The following PRR16 variants were observed in gnomAD, a reference collection of about 807,000 sequenced individuals.
PRR16 encodes the protein protein Largen.
PRR16 carries 6 observed loss-of-function variants against 18.2 expected under a neutral mutation model. The observed-to-expected ratio is 0.33, with a 90% confidence interval of 0.18 to 0.65. The LOEUF (loss-of-function observed/expected upper bound fraction) is 0.65, where lower values mean the gene tolerates loss of function less well. Among genes scored for constraint, PRR16 ranks in the 30% least tolerant of loss-of-function variants. PRR16 has a pLI of 0.74. For synonymous variants in PRR16, 151 were observed against 147.8 expected (o/e 1.02, Z -0.16); for missense variants, 412 against 376.6 (o/e 1.09, Z -0.78).
the PRR16 span, among the ~76,000 whole-genome samples, chr5:120,777,767 T>C: frequency 6.6e-6 from 1 of 152,138 alleles, no homozygotes; most frequent in African/African-American, 2.4e-5. Context: ...AGAAGCGCAC[T>C]GAATACTGCG....
intron 1 of PRR16, among the ~76,000 whole-genome samples, chr5:120,489,826 A>G (rs1220197511): frequency 6.6e-6 from 1 of 151,908 alleles, no homozygotes; most frequent in Non-Finnish European, 1.5e-5. Context: ...CTTCTTCAGG[A>G]GCTCTTTTAG....
chr5:120,632,809 A>G (rs1375171173), intron 1 of PRR16, among the ~76,000 whole-genome samples: 1 of 152,202 alleles, frequency 6.6e-6, no homozygotes, highest in East Asian at 1.9e-4. Flanking sequence ...AACATATTTG[A>G]AGGAATAATT....
intron 1 of PRR16, among the ~76,000 whole-genome samples, chr5:120,662,761 T>C (rs976423479): frequency 2.6e-4 from 39 of 152,176 alleles, no homozygotes; most frequent in Admixed American, 1.9e-3. Flanking sequence ...CTAAGATTGA[T>C]GATCCTCCTA....
intron 1 of PRR16, among the ~76,000 whole-genome samples, chr5:120,638,624 G>T (rs1755323264): frequency 6.6e-6 from 1 of 152,098 alleles, no homozygotes; most frequent in Non-Finnish European, 1.5e-5. Context: ...GCCATCTGCA[G>T]CCTGGCTCCA....
chr5:120,648,587 A>T (rs951624662), intron 1 of PRR16, among the ~76,000 whole-genome samples: 1 of 152,140 alleles, frequency 6.6e-6, no homozygotes, highest in Non-Finnish European at 1.5e-5. Flanking sequence ...TAAATGAATG[A>T]CTATTACATA....
the PRR16 span, among the ~76,000 whole-genome samples, chr5:120,760,190 G>T: frequency 6.6e-6 from 1 of 152,116 alleles, no homozygotes; most frequent in African/African-American, 2.4e-5. Context: ...CACTGTTGCA[G>T]TAAATGTACA....
intron 1 of PRR16, among the ~76,000 whole-genome samples, chr5:120,672,235 G>GGTGTGTGTGT (rs1191891129): frequency 1.1e-5 from 1 of 87,158 alleles, no homozygotes; most frequent in Non-Finnish European, 2.6e-5. Flanking sequence ...GCAGGTGAGG[G>GGTGTGTGTGT]GTCTGTGTGT....
intron 1 of PRR16, among the ~76,000 whole-genome samples, chr5:120,576,149 C>G (rs1481650310): frequency 6.6e-6 from 1 of 151,994 alleles, no homozygotes; most frequent in Non-Finnish European, 1.5e-5. Flanking sequence ...AAAGCACAGG[C>G]AACAAAAGCG....
intron 1 of PRR16, among the ~76,000 whole-genome samples, chr5:120,666,188 G>A (rs1489190621): frequency 1.3e-5 from 2 of 152,130 alleles, no homozygotes; most frequent in Non-Finnish European, 2.9e-5. Context: ...CTTGTAAGTT[G>A]GATTCCTAGG....
At chr5:120,705,938 G>A in the PRR16 span, among the ~76,000 whole-genome samples, 3 of 152,068 alleles carry the variant, frequency 2.0e-5, no homozygotes, top group Admixed American at 2.0e-4. Context: ...GTTGCTTATG[G>A]CATAACAGAA....
chr5:120,708,424 A>T, the PRR16 span, among the ~76,000 whole-genome samples: 1 of 152,224 alleles, frequency 6.6e-6, no homozygotes, highest in Non-Finnish European at 1.5e-5. Context: ...TTTTTATAAT[A>T]GCAGTAATGA....
the PRR16 span, among the ~76,000 whole-genome samples, chr5:120,735,757 A>T: frequency 1.3e-5 from 2 of 152,080 alleles, no homozygotes; most frequent in Non-Finnish European, 2.9e-5. Flanking sequence ...CATATGATTT[A>T]CAAAAATTTC....
chr5:120,587,184 G>A (rs1007816522), intron 1 of PRR16, among the ~76,000 whole-genome samples: 3 of 152,168 alleles, frequency 2.0e-5, no homozygotes, highest in African/African-American at 7.2e-5. Flanking sequence ...TTTGGAGCTA[G>A]CAATGGTTTT....
At chr5:120,705,686 T>A in the PRR16 span, among the ~76,000 whole-genome samples, 1 of 152,124 alleles carries the variant, frequency 6.6e-6, no homozygotes, top group Admixed American at 6.5e-5. Context: ...ACAACAACAT[T>A]ATAATCATTA....
intron 1 of PRR16, among the ~76,000 whole-genome samples, chr5:120,533,952 G>A (rs1315591907): frequency 1.3e-5 from 2 of 152,126 alleles, no homozygotes; most frequent in Non-Finnish European, 2.9e-5. Context: ...CTGAGAGATT[G>A]GAGTTCAAGG....
intron 1 of PRR16, among the ~76,000 whole-genome samples, chr5:120,674,718 C>G (rs1383236848): frequency 3.9e-5 from 6 of 151,978 alleles, no homozygotes; most frequent in Non-Finnish European, 8.8e-5. Context: ...ATTACCATCT[C>G]ACAATTTCTC....
At chr5:120,780,878 C>T in the PRR16 span, among the ~76,000 whole-genome samples, 1 of 152,066 alleles carries the variant, frequency 6.6e-6, no homozygotes, top group Non-Finnish European at 1.5e-5. Flanking sequence ...GGTGAAACCC[C>T]ATCGCTACTA....
chr5:120,643,670 T>G (rs1299524782), intron 1 of PRR16, among the ~76,000 whole-genome samples: 1 of 152,032 alleles, frequency 6.6e-6, no homozygotes, highest in Non-Finnish European at 1.5e-5. Flanking sequence ...AGGACCTCAG[T>G]AAACCTGGAT....
intron 1 of PRR16, among the ~76,000 whole-genome samples, chr5:120,659,943 A>G (rs969011236): frequency 6.6e-6 from 1 of 152,050 alleles, no homozygotes; most frequent in African/African-American, 2.4e-5. Flanking sequence ...GATAATATGC[A>G]TGTCCTCCAA....
Sources: allele counts gnomAD v4.1 joint callset (sites outside exome capture counted in the v4.1 genomes callset), GRCh38; gene constraint gnomAD v4.1.1; transcripts MANE v1.5; gene names NCBI Gene and HGNC (gene_info 2026-07-23, HGNC 2026-07-21).